CADPS2: variants seen among roughly 807,000 people sequenced by gnomAD.
The protein encoded by CADPS2 is calcium-dependent secretion activator 2.
CADPS2 carries 93 observed loss-of-function variants against 172.5 expected under a neutral mutation model. The observed-to-expected ratio is 0.54, with a 90% CI of 0.46 to 0.64. CADPS2 has a LOEUF of 0.64. Among genes scored for constraint, CADPS2 ranks in the 30% least tolerant of loss-of-function variants. CADPS2 has a pLI of 0.00. For synonymous variants in CADPS2, 546 were observed against 555.2 expected, an observed-to-expected ratio of 0.98 and a Z score of 0.23; for missense variants, 1,420 against 1,565.9, an observed-to-expected ratio of 0.91 and a Z score of 1.57.
chr7:122,667,755 G>A (rs1163794936), intron 2 of CADPS2, among the ~76,000 whole-genome samples: 1 of 151,986 alleles, frequency 6.6e-6, no homozygotes, highest in East Asian at 1.9e-4. Flanking sequence ...CCCATGTTTT[G>A]AATAACCCAT....
chr7:122,719,625 A>T (rs2090127325), intron 2 of CADPS2, among the ~76,000 whole-genome samples: 1 of 152,120 alleles, frequency 6.6e-6, no homozygotes, highest in Non-Finnish European at 1.5e-5. Context: ...TGACTTAATA[A>T]CTTCTGTCCA....
intron 11 of CADPS2, among the ~76,000 whole-genome samples, chr7:122,481,162 CTTTTTTTTTTT>C (rs35352953): frequency 5.6e-5 from 6 of 107,546 alleles, no homozygotes; most frequent in Non-Finnish European, 9.2e-5. Context: ...TTTCTTCATT[CTTTTTTTTTTT>C]TTTTTTTTTT....
chr7:122,646,437 A>G (rs2078565518), intron 3 of CADPS2, among the ~76,000 whole-genome samples: 1 of 152,062 alleles, frequency 6.6e-6, no homozygotes, highest in Non-Finnish European at 1.5e-5. Context: ...CTCCCCCAGT[A>G]TAACAAAAGT....
At chr7:122,622,645 T>C (rs1450006256) in intron 4 of CADPS2, among the ~76,000 whole-genome samples, 1 of 152,166 alleles carries the variant, frequency 6.6e-6, no homozygotes, top group African/African-American at 2.4e-5. Flanking sequence ...GCACTTAGGT[T>C]TTCTCTCTTA....
At position 122,705,149 on chromosome 7, in the gene CADPS2, C is replaced by A. The variant is rs1179306643; in HGVS notation, c.453+31806G>T. Among the ~76,000 whole-genome samples the A allele has an allele frequency of 3.9e-5, 6 of 151,910 alleles. No homozygotes were observed. The East Asian group carries it at 1.2e-3, about 29-fold the overall frequency. On this transcript the variant is annotated intron_variant, in intron 2 of 29. Transcript: ENST00000449022. ...TCTCTAGTTTTCCCTGGAATAGAAA[C>A]AGGAGAGATCTGTACAAGTTACCTT...
intron 9 of CADPS2, among the ~76,000 whole-genome samples, chr7:122,505,224 G>A (rs1033627565): frequency 3.3e-5 from 5 of 152,122 alleles, no homozygotes; most frequent in Non-Finnish European, 7.3e-5. Flanking sequence ...TTATAAATTA[G>A]TTGTCAAAAG....
At chr7:122,702,790 AAAC>A (rs1427816523) in intron 2 of CADPS2, 4 of 1,413,020 alleles carry the variant, frequency 2.8e-6, no homozygotes, top group South Asian at 2.7e-5. Flanking sequence ...TGAGAAAACA[AAAC>A]AACATCAGTT....
At chr7:122,818,772 G>A (rs1340821201) in intron 1 of CADPS2, among the ~76,000 whole-genome samples, 1 of 152,080 alleles carries the variant, frequency 6.6e-6, no homozygotes, top group Non-Finnish European at 1.5e-5. Context: ...TGGAGCTAAA[G>A]GCATAGTCAA....
intron 7 of CADPS2, among the ~76,000 whole-genome samples, chr7:122,560,885 T>C (rs1167971685): frequency 2.0e-5 from 3 of 152,164 alleles, no homozygotes; most frequent in African/African-American, 7.2e-5. Flanking sequence ...TTCACTTCAG[T>C]ATTTATTTAG....
intron 24 of CADPS2, among the ~76,000 whole-genome samples, chr7:122,382,717 G>A (rs560708497): frequency 1.3e-5 from 2 of 152,194 alleles, no homozygotes; most frequent in Admixed American, 1.3e-4. Context: ...ACTTTAGGAA[G>A]TCAAGGTGGG....
At chr7:122,400,521 C>T (rs1463525735) in intron 20 of CADPS2, among the ~76,000 whole-genome samples, 1 of 151,982 alleles carries the variant, frequency 6.6e-6, no homozygotes, top group East Asian at 1.9e-4. Context: ...TGGAATTCAA[C>T]TGAGGGGAAA....
At chr7:122,570,643 A>T (rs1202287128) in intron 7 of CADPS2, among the ~76,000 whole-genome samples, 6 of 150,902 alleles carry the variant, frequency 4.0e-5, no homozygotes, top group Non-Finnish European at 7.4e-5. Context: ...CAAATGTCCA[A>T]CAATGATAGA....
intron 3 of CADPS2, among the ~76,000 whole-genome samples, chr7:122,634,086 G>A (rs1319945673): frequency 2.0e-5 from 3 of 152,146 alleles, no homozygotes; most frequent in Non-Finnish European, 2.9e-5. Flanking sequence ...TTGTTTGGTA[G>A]TATTGTATTG....
In CADPS2 at chr7:122,570,431, G is replaced by A. The variant is rs1407283973; in HGVS notation, c.1335+10748C>T. Reference sequence around the variant, plus strand: ...GAAATAGGAACACTTTTACACTGTTGGTGGGACTGTAAACTAGTTCAACCA... The same window carrying A: ...GAAATAGGAACACTTTTACACTGTTAGTGGGACTGTAAACTAGTTCAACCA... On this transcript the variant is annotated intron_variant, in intron 7 of 29. Coordinates refer to ENST00000449022, the MANE Select transcript of CADPS2 (RefSeq NM_017954.11). Among the ~76,000 whole-genome samples, 524 of 147,680 alleles carry A rather than the reference G, an allele frequency of 3.5e-3. 6 individuals carry two copies. Among genetic ancestry groups the A allele is most frequent in the African/African-American group, 0.012 (496 of 39,732 alleles).
chr7:122,661,899 G>T lies in CADPS2; in HGVS notation c.786+1338C>A, dbSNP rs187288734. 2.0e-5 allele frequency among the ~76,000 whole-genome samples: 3 copies of T among 152,232 alleles called. No homozygotes were observed. The East Asian group carries it at 5.8e-4, about 29-fold the overall frequency. ...GTTTCACTAAAAATACAAAGTTCCA[G>T]TTGAAGTTATCTTTCAAATAGAAGA... On this transcript the variant is annotated intron_variant, in intron 3 of 29. Transcript: ENST00000449022.
At chr7:122,449,526 T>G (rs1046214390) in intron 15 of CADPS2, among the ~76,000 whole-genome samples, 2 of 152,106 alleles carry the variant, frequency 1.3e-5, no homozygotes, top group Non-Finnish European at 2.9e-5. Flanking sequence ...CTCGCTACGT[T>G]GCCTAGGCTG....
intron 12 of CADPS2, among the ~76,000 whole-genome samples, chr7:122,477,851 T>C (rs1180170799): frequency 6.6e-6 from 1 of 152,158 alleles, no homozygotes; most frequent in African/African-American, 2.4e-5. Context: ...TGGATTCTAG[T>C]TGTCATGTTG....
intron 16 of CADPS2, among the ~76,000 whole-genome samples, chr7:122,440,548 T>G (rs2051213882): frequency 6.6e-6 from 1 of 152,186 alleles, no homozygotes; most frequent in Admixed American, 6.6e-5. Flanking sequence ...AATTAATCTG[T>G]AATCCTAAGA....
chr7:122,432,554 C>T (rs1585975880), intron 17 of CADPS2, among the ~76,000 whole-genome samples: 3 of 150,272 alleles, frequency 2.0e-5, no homozygotes. Flanking sequence ...GGCAGGAGAA[C>T]CACTTGAACT....
Sources: gnomAD v4.1 joint callset for allele counts (sites outside exome capture counted in the v4.1 genomes callset) on GRCh38, gnomAD v4.1.1 for gene constraint, MANE v1.5 for transcripts, NCBI Gene and HGNC (gene_info 2026-07-23, HGNC 2026-07-21) for gene names.